The following GOLPH3L variants were observed in gnomAD, a reference collection of about 807,000 sequenced individuals.
GOLPH3L encodes Golgi phosphoprotein 3-like.
GOLPH3L carries 22 observed loss-of-function variants against 30.3 expected under a neutral mutation model. The ratio of observed to expected loss-of-function variants is 0.73; its 90% confidence interval spans 0.52 to 1.04. The LOEUF is 1.04. Ranked by LOEUF, GOLPH3L falls within the 50% of genes least tolerant of loss-of-function variation. GOLPH3L has a pLI of 0.00. For missense variants in GOLPH3L, 303 were observed against 345.8 expected, an observed-to-expected ratio of 0.88 and a Z score of 0.98; for synonymous variants, 120 against 128.2, an observed-to-expected ratio of 0.94 and a Z score of 0.43.
At position 150,647,916 on chromosome 1, in the gene GOLPH3L, T is replaced by C. The variant is rs1374636983; in HGVS notation, c.*405A>G. Reference sequence around the variant, plus strand: ...CTGAGAGACAAAGGCTGTGAAAACATGTATTTATGATAGAAAACAAACTCA... The same window carrying C: ...CTGAGAGACAAAGGCTGTGAAAACACGTATTTATGATAGAAAACAAACTCA... On this transcript the variant is annotated 3_prime_UTR_variant, in exon 5 of 5. Transcript: ENST00000271732. The C allele has an allele frequency of 6.2e-6, 1 of 161,616 alleles. No homozygotes were observed. Among genetic ancestry groups the C allele is most frequent in the African/African-American group, 2.4e-5 (1 of 41,780 alleles). 10.0% of individuals were successfully genotyped at this position (161,616 alleles called of 1,614,324 possible).
chr1:150,696,418 T>C (rs1651355907), intron 1 of GOLPH3L, among the ~76,000 whole-genome samples: 1 of 152,146 alleles, frequency 6.6e-6, no homozygotes, highest in Admixed American at 6.6e-5. Flanking sequence ...TTATAGTCTT[T>C]CTCTTGGTAT....
intron 2 of GOLPH3L, among the ~76,000 whole-genome samples, chr1:150,669,899 T>C (rs1571043706): frequency 6.7e-6 from 1 of 149,828 alleles, no homozygotes; most frequent in Non-Finnish European, 1.5e-5. Flanking sequence ...GAGGTGGAGG[T>C]TGCAGTTAGC....
chr1:150,694,654 A>C lies in GOLPH3L; in HGVS notation c.183+2T>G. On this transcript the variant is annotated splice_donor_variant, in intron 2 of 4. Coordinates refer to ENST00000271732, the MANE Select transcript of GOLPH3L (RefSeq NM_018178.6). LOFTEE classifies it high-confidence loss of function. ...ATAGCCTAGCAAACCTAACTGCATT[A>C]CCTCTTTATCTTTTAGTCCCAGAAG... The C allele has an allele frequency of 6.3e-7, 1 of 1,582,122 alleles. No individual in the cohort carries two copies. The highest frequency in any genetic ancestry group is 8.6e-7 in the Non-Finnish European group (1 of 1,160,722).
At chr1:150,692,292 G>A (rs1231997042) in intron 2 of GOLPH3L, among the ~76,000 whole-genome samples, 1 of 152,084 alleles carries the variant, frequency 6.6e-6, no homozygotes, top group Non-Finnish European at 1.5e-5. Context: ...AGGATTTATT[G>A]TCTTTTATTC....
intron 2 of GOLPH3L, among the ~76,000 whole-genome samples, chr1:150,665,413 A>C (rs1256558889): frequency 1.3e-5 from 2 of 151,986 alleles, no homozygotes; most frequent in Admixed American, 1.3e-4. Flanking sequence ...TGTAGACTTG[A>C]ACTCCAGGGC....
intron 1 of GOLPH3L, among the ~76,000 whole-genome samples, chr1:150,696,634 A>G (rs1261844062): frequency 1.3e-5 from 2 of 152,194 alleles, no homozygotes; most frequent in Admixed American, 6.5e-5. Context: ...GTACAAGGGT[A>G]TATTTCAAAT....
chr1:150,660,318 C>G (rs1335759511), intron 4 of GOLPH3L, among the ~76,000 whole-genome samples: 1 of 151,508 alleles, frequency 6.6e-6, no homozygotes, highest in African/African-American at 2.4e-5. Context: ...AAATTGGAAC[C>G]CTGGTGCATA....
intron 4 of GOLPH3L, among the ~76,000 whole-genome samples, chr1:150,657,800 G>T (rs1157006119): frequency 1.3e-5 from 2 of 152,152 alleles, no homozygotes; most frequent in African/African-American, 4.8e-5. Flanking sequence ...AAGAGCAGTT[G>T]CAAAAACAAA....
chr1:150,653,290 T>A (rs587616636), intron 4 of GOLPH3L, among the ~76,000 whole-genome samples: 13 of 127,556 alleles, frequency 1.0e-4, no homozygotes, highest in African/African-American at 3.3e-4. Flanking sequence ...ATAAATCTTT[T>A]TTTTTTTATT....
At chr1:150,693,756 A>T (rs1371974159) in intron 2 of GOLPH3L, among the ~76,000 whole-genome samples, 1 of 147,968 alleles carries the variant, frequency 6.8e-6, no homozygotes, top group African/African-American at 2.5e-5. Flanking sequence ...AATTATTTTT[A>T]AAAATTTTCA....
At chr1:150,694,192 G>T in intron 2 of GOLPH3L, 1 of 439,166 alleles carries the variant, frequency 2.3e-6, no homozygotes, top group South Asian at 1.7e-5. Context: ...GATGCACAGA[G>T]GAAAATAAAA....
chr1:150,674,981 C>G (rs1169461879), intron 2 of GOLPH3L, among the ~76,000 whole-genome samples: 1 of 152,080 alleles, frequency 6.6e-6, no homozygotes, highest in African/African-American at 2.4e-5. Flanking sequence ...GCCTCAAACT[C>G]CTGGGCTTGA....
intron 4 of GOLPH3L, 93 bp downstream of exon 4, chr1:150,661,721 G>T: frequency 1.4e-6 from 1 of 731,454 alleles, no homozygotes. Context: ...ATCTCATCCA[G>T]CACGATGAAT....
In GOLPH3L at chr1:150,650,441, AG is replaced by A. The variant is rs150577029; in HGVS notation, c.431-1694del. Among the ~76,000 whole-genome samples the A allele has an allele frequency of 8.0e-3, 1,223 of 152,336 alleles. 10 individuals carry two copies. Among genetic ancestry groups the A allele is most frequent in the Non-Finnish European group, 0.011 (731 of 68,024 alleles). On this transcript the variant is annotated intron_variant, in intron 4 of 4. Coordinates refer to ENST00000271732, the MANE Select transcript of GOLPH3L (RefSeq NM_018178.6). ...TCTAGTGGGAAGGAGAAACCAGTAT[AG>A]CAGGTGTCCCCAACCCCTGGACCAT...
chr1:150,662,002 T>C (rs1650379300), intron 3 of GOLPH3L, 74 bp from the exon 4 acceptor site: 1 of 761,966 alleles, frequency 1.3e-6, no homozygotes. Context: ...ATATATCATG[T>C]ATATGTTACT....
At chr1:150,662,561 T>C (rs908583642) in intron 3 of GOLPH3L, among the ~76,000 whole-genome samples, 12 of 152,088 alleles carry the variant, frequency 7.9e-5, no homozygotes, top group African/African-American at 2.9e-4. Flanking sequence ...GCCTAGAAAT[T>C]TGAAAATTAA....
intron 2 of GOLPH3L, among the ~76,000 whole-genome samples, chr1:150,665,945 G>T (rs1650490089): frequency 6.6e-6 from 1 of 152,136 alleles, no homozygotes; most frequent in South Asian, 2.1e-4. Context: ...ATTCCAGGTT[G>T]ATCATTCCAG....
intron 4 of GOLPH3L, among the ~76,000 whole-genome samples, chr1:150,651,657 A>AG (rs2101775418): frequency 6.6e-6 from 1 of 151,396 alleles, no homozygotes; most frequent in East Asian, 1.9e-4. Flanking sequence ...AAAAAAAAAA[A>AG]AAAAAAAGTA....
At chr1:150,678,972 A>G (rs1305680261) in intron 2 of GOLPH3L, among the ~76,000 whole-genome samples, 1 of 152,204 alleles carries the variant, frequency 6.6e-6, no homozygotes, top group African/African-American at 2.4e-5. Flanking sequence ...GAATATTTAC[A>G]GTATTTCTGG....
Sources: gnomAD v4.1 joint callset for allele counts (sites outside exome capture counted in the v4.1 genomes callset) on GRCh38, gnomAD v4.1.1 for gene constraint, MANE v1.5 for transcripts, NCBI Gene and HGNC (gene_info 2026-07-23, HGNC 2026-07-21) for gene names.